Variants in YPEL1 observed in about 807,000 individuals in gnomAD.
The protein encoded by YPEL1 is yippee like 1.
YPEL1 carries 7 observed loss-of-function variants against 17.3 expected under a neutral mutation model. The ratio of observed to expected loss-of-function variants is 0.40; its 90% CI spans 0.23 to 0.76. The LOEUF is 0.76. YPEL1 is among the 30% of genes least tolerant of loss of function. The pLI is 0.35. For synonymous variants in YPEL1, 59 were observed against 59.6 expected (o/e 0.99, Z 0.05); for missense variants, 91 against 155.5 (o/e 0.59, Z 2.21).
chr22:21,729,872 G>C (rs1420616314), intron 1 of YPEL1, among the ~76,000 whole-genome samples: 1 of 152,160 alleles, frequency 6.6e-6, no homozygotes, highest in East Asian at 1.9e-4. Flanking sequence ...ATAGAGGCTA[G>C]CACGGTGGCT....
At chr22:21,728,708 A>G (rs2068359181) in intron 1 of YPEL1, among the ~76,000 whole-genome samples, 1 of 152,140 alleles carries the variant, frequency 6.6e-6, no homozygotes, top group Admixed American at 6.5e-5. Flanking sequence ...GCAGGTTGGC[A>G]ATGATTTTTT....
intron 1 of YPEL1, among the ~76,000 whole-genome samples, chr22:21,724,756 T>G (rs1020933403): frequency 9.3e-5 from 14 of 151,004 alleles, no homozygotes; most frequent in African/African-American, 2.4e-4. Context: ...CATTTCTGTA[T>G]TTTTTGTAGA....
chr22:21,719,765 C>T (rs570460593), intron 1 of YPEL1, among the ~76,000 whole-genome samples: 3 of 152,026 alleles, frequency 2.0e-5, no homozygotes, highest in South Asian at 2.1e-4. Flanking sequence ...CGGTGGCTCA[C>T]GCCTGGAATC....
intron 1 of YPEL1, among the ~76,000 whole-genome samples, chr22:21,723,554 G>C (rs1287091442): frequency 6.6e-6 from 1 of 152,086 alleles, no homozygotes; most frequent in African/African-American, 2.4e-5. Flanking sequence ...TTTTAGGAGA[G>C]ACAGGGTTTT....
rs1195858638 is a variant in YPEL1, at chr22:21,734,503, G to C, written c.-165+1112C>G. Among the ~76,000 whole-genome samples the C allele has an allele frequency of 2.8e-4, 43 of 152,180 alleles. 2 individuals are homozygous for C. Among genetic ancestry groups the C allele is most frequent in the Admixed American group, 2.7e-3 (42 of 15,276 alleles). On this transcript the variant is annotated intron_variant, in intron 1 of 4. Coordinates refer to ENST00000339468, the MANE Select transcript of YPEL1 (RefSeq NM_013313.5). ...TCAGATTGGTAATTAAGAGCGCTCA[G>C]TTATTATATAAATGCTCAATATGGG...
At chr22:21,721,719 C>T (rs1421537687) in intron 1 of YPEL1, among the ~76,000 whole-genome samples, 1 of 152,148 alleles carries the variant, frequency 6.6e-6, no homozygotes, top group African/African-American at 2.4e-5. Context: ...CCACTGTGCC[C>T]GGCCCAACAT....
chr22:21,707,521 G>C (rs913276150), intron 2 of YPEL1, among the ~76,000 whole-genome samples: 1 of 152,182 alleles, frequency 6.6e-6, no homozygotes, highest in Non-Finnish European at 1.5e-5. Context: ...GTTGAGATCT[G>C]GGGAGGCTCT....
chr22:21,719,184 C>A (rs897665517), intron 1 of YPEL1, among the ~76,000 whole-genome samples: 2 of 152,194 alleles, frequency 1.3e-5, no homozygotes, highest in Non-Finnish European at 2.9e-5. Flanking sequence ...GAGCCCAGCA[C>A]CACTTCCACC....
At chr22:21,716,067 CCTGA>C (rs1318676978) in intron 1 of YPEL1, among the ~76,000 whole-genome samples, 15 of 151,916 alleles carry the variant, frequency 9.9e-5, no homozygotes, top group African/African-American at 1.5e-4. Flanking sequence ...TGGCCCTACA[CCTGA>C]CTAATTTTTG....
At chr22:21,726,137 C>T (rs1337155627) in intron 1 of YPEL1, among the ~76,000 whole-genome samples, 2 of 152,162 alleles carry the variant, frequency 1.3e-5, no homozygotes, top group Admixed American at 1.3e-4. Context: ...TTCACCTCAC[C>T]CAGACCCACA....
chr22:21,709,918 G>A (rs1317709059), intron 2 of YPEL1, among the ~76,000 whole-genome samples: 1 of 150,120 alleles, frequency 6.7e-6, no homozygotes, highest in Non-Finnish European at 1.5e-5. Flanking sequence ...TGACGTATGA[G>A]GATGCGGGGA....
chr22:21,723,833 T>C (rs8141374), intron 1 of YPEL1, among the ~76,000 whole-genome samples: 33,056 of 151,086 alleles, frequency 0.22, 4,281 homozygotes, highest in Non-Finnish European at 0.29. Context: ...GCCCAGCTGA[T>C]TTTTTGTATT....
intron 4 of YPEL1, among the ~76,000 whole-genome samples, chr22:21,702,918 G>A (rs1221586738): frequency 6.6e-6 from 1 of 152,176 alleles, no homozygotes; most frequent in Non-Finnish European, 1.5e-5. Context: ...AGGTCCCTGA[G>A]AAAGAGGGAT....
At chr22:21,713,906 A>G (rs2068195934) in intron 1 of YPEL1, among the ~76,000 whole-genome samples, 2 of 152,086 alleles carry the variant, frequency 1.3e-5, no homozygotes, top group South Asian at 2.1e-4. Context: ...GGGCCTGCAG[A>G]GAGTCAGGCA....
chr22:21,714,501 G>T (rs1356447438), intron 1 of YPEL1, among the ~76,000 whole-genome samples: 1 of 152,172 alleles, frequency 6.6e-6, no homozygotes, highest in African/African-American at 2.4e-5. Flanking sequence ...TGTGCAGCTG[G>T]GCCCCCTTCA....
Position 21,698,300 on chromosome 22 carries a change from T to C in YPEL1, c.*2829A>G, listed in dbSNP as rs1601618751. On this transcript the variant is annotated 3_prime_UTR_variant, in exon 5 of 5. Coordinates refer to ENST00000339468, the MANE Select transcript of YPEL1 (RefSeq NM_013313.5). ...AATACAAAAGTCATAAGACTACTAG[T>C]AAAAAATGTTCAATCAATGCCGTCA... 6.9e-6 allele frequency: 1 copy of C among 144,558 alleles called. No homozygotes were observed. The highest frequency in any genetic ancestry group is 6.9e-5 in the Admixed American group (1 of 14,516). 9.0% of individuals were successfully genotyped at this position (144,558 alleles called of 1,614,324 possible). A position where few individuals can be genotyped will look rare whatever the true frequency, so the allele number is the denominator to read the frequency against.
intron 1 of YPEL1, among the ~76,000 whole-genome samples, chr22:21,716,200 C>T (rs2329827): frequency 0.35 from 52,642 of 151,974 alleles, 9,811 homozygotes; most frequent in African/African-American, 0.5. Flanking sequence ...TGAGCCACCG[C>T]GCCCAGACTA....
At chr22:21,729,061 T>C (rs1273376116) in intron 1 of YPEL1, among the ~76,000 whole-genome samples, 1 of 151,122 alleles carries the variant, frequency 6.6e-6, no homozygotes, top group Non-Finnish European at 1.5e-5. Flanking sequence ...GAGAATTGCT[T>C]GAACCCAGGA....
chr22:21,713,594 G>A (rs946082751), intron 1 of YPEL1, among the ~76,000 whole-genome samples: 1 of 152,172 alleles, frequency 6.6e-6, no homozygotes, highest in South Asian at 2.1e-4. Flanking sequence ...GGGAGTCCCC[G>A]CTTCATGGGT....
Sources: gnomAD v4.1 joint callset for allele counts (sites outside exome capture counted in the v4.1 genomes callset) on GRCh38, gnomAD v4.1.1 for gene constraint, MANE v1.5 for transcripts, NCBI Gene and HGNC (gene_info 2026-07-23, HGNC 2026-07-21) for gene names.